Variants in ZMYM4 observed in about 807,000 individuals in gnomAD.
ZMYM4 encodes zinc finger MYM-type containing 4.
A neutral mutation model predicts 183.2 loss-of-function variants in ZMYM4; 31 were observed. The ratio of observed to expected loss-of-function variants is 0.17; its 90% CI spans 0.13 to 0.23. ZMYM4 has a LOEUF of 0.23. Ranked by LOEUF, ZMYM4 falls within the 10% of genes least tolerant of loss-of-function variation. The pLI is 1.00. For synonymous variants in ZMYM4, 592 were observed against 631.2 expected, an observed-to-expected ratio of 0.94 and a Z score of 0.93; for missense variants, 1,273 against 1,840.3, an observed-to-expected ratio of 0.69 and a Z score of 5.64.
chr1:35,361,458 G>A (rs534900270), intron 4 of ZMYM4, among the ~76,000 whole-genome samples, 161 bp from the exon 5 acceptor site: 11 of 151,958 alleles, frequency 7.2e-5, no homozygotes, highest in Admixed American at 2.6e-4. Context: ...TTGGTATTTG[G>A]ACATATAACA....
At chr1:35,356,335 C>A (rs1388181068) in intron 2 of ZMYM4, among the ~76,000 whole-genome samples, 2 of 152,158 alleles carry the variant, frequency 1.3e-5, no homozygotes, top group East Asian at 3.8e-4. Flanking sequence ...ACATAAAACA[C>A]CTAATTTTTC....
chr1:35,304,953 C>T (rs906448923), intron 1 of ZMYM4, among the ~76,000 whole-genome samples: 3 of 152,110 alleles, frequency 2.0e-5, no homozygotes, highest in Non-Finnish European at 4.4e-5. Context: ...TCAAGCGATT[C>T]TCCTGCCTCA....
At chr1:35,404,824 T>A in intron 23 of ZMYM4, 199 bp from the exon 24 acceptor site, 1 of 472,920 alleles carries the variant, frequency 2.1e-6, no homozygotes, top group Non-Finnish European at 3.6e-6. Flanking sequence ...GCATTTAAAC[T>A]TTTTCTTTCT....
chr1:35,361,194 C>A lies in ZMYM4; in HGVS notation c.608C>A (p.Ala203Asp). Residue 203 changes from alanine (A) to aspartate (D), a missense_variant and splice_region_variant, in exon 4 of 30, where the codon GCT becomes GAT. By Grantham distance (126) the Ala-to-Asp change is moderately radical. Transcript: ENST00000314607. ...TTTGTTTTTTTTTTCCTTTCAATAG[C>A]TAATCAAGTTGAAGAAACATTACAT... ...RLKSSFFDKA[A>D]NQVEETLHTH... 1 of 1,582,828 alleles carries A rather than the reference C, an allele frequency of 6.3e-7. No homozygotes were observed. Among genetic ancestry groups the A allele is most frequent in the Non-Finnish European group, 8.6e-7 (1 of 1,168,526 alleles).
intron 2 of ZMYM4, among the ~76,000 whole-genome samples, chr1:35,332,402 TG>T (rs374481277): frequency 0.014 from 2,099 of 150,840 alleles, 45 homozygotes; most frequent in African/African-American, 0.045. Flanking sequence ...ATACTGGGGA[TG>T]TTTTTTTTTT....
intron 2 of ZMYM4, among the ~76,000 whole-genome samples, chr1:35,350,434 A>T (rs775743129): frequency 1.2e-4 from 18 of 152,040 alleles, no homozygotes; most frequent in African/African-American, 1.9e-4. Flanking sequence ...GATTAAAGGC[A>T]TGTGCCACCA....
At chr1:35,285,862 C>T (rs1640457171) in intron 1 of ZMYM4, among the ~76,000 whole-genome samples, 1 of 152,104 alleles carries the variant, frequency 6.6e-6, no homozygotes, top group Admixed American at 6.6e-5. Flanking sequence ...TGTAAAAGCA[C>T]TTTAATAAAC....
chr1:35,421,799 T>C lies in ZMYM4; in HGVS notation c.*2122T>C, dbSNP rs1640333361. 6.6e-6 allele frequency: 1 copy of C among 152,194 alleles called. No individual in the cohort carries two copies. The highest frequency in any genetic ancestry group is 1.5e-5 in the Non-Finnish European group (1 of 68,024). 9.4% of individuals were successfully genotyped at this position (152,194 alleles called of 1,614,324 possible). On this transcript the variant is annotated 3_prime_UTR_variant, in exon 30 of 30. Transcript: ENST00000314607. ...TATGAAAATTGTGTAAAATTACATT[T>C]TTTTTCCAGGGGAGAAAAAAACATC...
rs761020989 is a variant in ZMYM4, at chr1:35,414,096, T to G, written c.4060+13T>G. 4.2e-6 allele frequency: 6 copies of G among 1,431,380 alleles called. No individual in the cohort carries two copies. The East Asian group carries it at 1.2e-4, about 27-fold the overall frequency. 88.7% of individuals were successfully genotyped at this position (1,431,380 alleles called of 1,614,324 possible). The stretch of plus-strand genomic sequence containing the variant: ...ATACTTCCTAATGGTAGGGTGATTT[T>G]TTTTTTATTGTTTTCATGATATGCT... On this transcript the variant is annotated intron_variant, in intron 27 of 29. Coordinates refer to ENST00000314607, the MANE Select transcript of ZMYM4 (RefSeq NM_005095.3).
intron 13 of ZMYM4, among the ~76,000 whole-genome samples, chr1:35,388,396 G>A (rs894810000): frequency 1.3e-5 from 2 of 152,090 alleles, no homozygotes; most frequent in African/African-American, 4.8e-5. Flanking sequence ...GTAGAGACAG[G>A]GCTTCACCAT....
At position 35,276,519 on chromosome 1, in the gene ZMYM4, A is replaced by G. The variant is rs1639886152; in HGVS notation, c.39+7434A>G. On this transcript the variant is annotated intron_variant, in intron 1 of 29. Coordinates refer to ENST00000314607, the MANE Select transcript of ZMYM4 (RefSeq NM_005095.3). ...ATTCTTTAAGTGTCTTTTTACACTG[A>G]TTTGTTTAAATCATCCAACTAAGAG... Among the ~76,000 whole-genome samples, 4 of 151,630 alleles carry G rather than the reference A, an allele frequency of 2.6e-5. No homozygotes were observed. In the Admixed American group the frequency reaches 2.6e-4, roughly 10 times the overall value.
chr1:35,328,877 T>G (rs901117748), intron 2 of ZMYM4, among the ~76,000 whole-genome samples: 1 of 152,158 alleles, frequency 6.6e-6, no homozygotes, highest in African/African-American at 2.4e-5. Flanking sequence ...TTGGGATTCA[T>G]GTCTAGAAAA....
At chr1:35,370,737 T>TTC in intron 7 of ZMYM4, 110 bp downstream of exon 7, 1 of 1,158,258 alleles carries the variant, frequency 8.6e-7, no homozygotes. Context: ...CTTTTTTTTT[T>TTC]TTTTTTTTTT....
chr1:35,337,396 T>C (rs758217473), intron 2 of ZMYM4, among the ~76,000 whole-genome samples: 61 of 152,322 alleles, frequency 4.0e-4, no homozygotes, highest in Non-Finnish European at 7.1e-4. Context: ...CATCGTGTTC[T>C]CTATAGATTT....
At chr1:35,292,702 G>A (rs377187220) in intron 1 of ZMYM4, among the ~76,000 whole-genome samples, 47 of 152,112 alleles carry the variant, frequency 3.1e-4, no homozygotes, top group African/African-American at 5.1e-4. Context: ...GTTTCACCAC[G>A]TTAGCCAGGC....
At chr1:35,325,523 C>A in intron 2 of ZMYM4, 118 bp downstream of exon 2, 2 of 903,392 alleles carry the variant, frequency 2.2e-6, no homozygotes, top group Non-Finnish European at 3.3e-6. Flanking sequence ...ATGGTTCAAT[C>A]TGATTTAGTC....
intron 1 of ZMYM4, among the ~76,000 whole-genome samples, chr1:35,281,435 T>G (rs1394144263): frequency 6.6e-6 from 1 of 152,002 alleles, no homozygotes. Flanking sequence ...GAGAGTAGAA[T>G]TATAGTTACC....
chr1:35,272,067 A>G (rs960588885), intron 1 of ZMYM4, among the ~76,000 whole-genome samples: 3 of 152,338 alleles, frequency 2.0e-5, no homozygotes, highest in South Asian at 4.1e-4. Context: ...AAATGATATA[A>G]GTACTTTTTT....
chr1:35,352,709 GTCTCCTCATTTT>G (rs1410302983), intron 2 of ZMYM4, among the ~76,000 whole-genome samples: 3 of 152,154 alleles, frequency 2.0e-5, no homozygotes, highest in African/African-American at 7.2e-5. Flanking sequence ...TATGACACCA[GTCTCCTCATTTT>G]TCTCCTACTC....
Sources: gnomAD v4.1 joint callset for allele counts (sites outside exome capture counted in the v4.1 genomes callset) on GRCh38, gnomAD v4.1.1 for gene constraint, MANE v1.5 for transcripts, NCBI Gene and HGNC (gene_info 2026-07-23, HGNC 2026-07-21) for gene names.